NKIRAS1: variants seen among roughly 807,000 people sequenced by gnomAD.
NKIRAS1 encodes the protein NF-kappa-B inhibitor-interacting Ras-like protein 1.
NKIRAS1 carries 16 observed loss-of-function variants against 19.8 expected under a neutral mutation model. The ratio of observed to expected loss-of-function variants is 0.81; its 90% CI spans 0.55 to 1.23. The LOEUF is 1.23. Among genes scored for constraint, NKIRAS1 ranks in the 50% most tolerant of loss-of-function variants. The pLI is 0.00. For missense variants in NKIRAS1, 184 were observed against 220.0 expected, an observed-to-expected ratio of 0.84 and a Z score of 1.04; for synonymous variants, 88 against 79.0, an observed-to-expected ratio of 1.11 and a Z score of -0.61.
upstream of NKIRAS1, chr3:23,921,861 C>CA (rs1415563820): frequency 4.0e-6 from 2 of 495,570 alleles, no homozygotes; most frequent in Admixed American, 7.6e-5. Flanking sequence ...AGGCGTGAGC[C>CA]ACCACCCCCA....
rs1178821791 is a variant in NKIRAS1, at chr3:23,945,508, C to T, written c.-140+815G>A. On this transcript the variant is annotated intron_variant, in intron 1 of 4. Coordinates refer to the NKIRAS1 transcript ENST00000421515. Reference sequence around the variant, plus strand: ...GCTTCCAGCCCGGGGCGGCGCGGCGCTGAGGCGGCGGCGGCGGCGCTGCCC... The same window carrying T: ...GCTTCCAGCCCGGGGCGGCGCGGCGTTGAGGCGGCGGCGGCGGCGCTGCCC... 71 of 946,710 alleles carry T rather than the reference C, an allele frequency of 7.5e-5. No individual in the cohort carries two copies. The African/African-American group carries it at 1.2e-3, about 16-fold the overall frequency. The allele number at this position is 946,710 out of a possible 1,614,324, so 58.6% of individuals were successfully genotyped here. A position where few individuals can be genotyped will look rare whatever the true frequency, so the allele number is the denominator to read the frequency against.
intron 1 of NKIRAS1, among the ~76,000 whole-genome samples, chr3:23,937,516 G>C (rs920100041): frequency 6.6e-6 from 1 of 151,148 alleles, no homozygotes; most frequent in African/African-American, 2.4e-5. Context: ...TGTTCCTTTA[G>C]ATAGCATGCC....
intron 1 of NKIRAS1, among the ~76,000 whole-genome samples, chr3:23,944,186 CAT>C (rs1366081985): frequency 3.5e-4 from 53 of 152,290 alleles, no homozygotes; most frequent in Non-Finnish European, 1.5e-5. Context: ...AGGAGAGAAA[CAT>C]AATTTTGCTG....
chr3:23,904,970 G>A (rs1171341228), intron 3 of NKIRAS1, among the ~76,000 whole-genome samples: 1 of 152,124 alleles, frequency 6.6e-6, no homozygotes, highest in Non-Finnish European at 1.5e-5. Flanking sequence ...AACAACCACA[G>A]CTACGGCAAA....
chr3:23,918,562 C>A, upstream of NKIRAS1: 3 of 1,613,826 alleles, frequency 1.9e-6, no homozygotes, highest in Non-Finnish European at 2.5e-6. Flanking sequence ...TCGAAGCCTT[C>A]AGTCCGTTGC....
At chr3:23,916,152 TAATC>T (rs1209071204) in intron 1 of NKIRAS1, 5 of 152,318 alleles carry the variant, frequency 3.3e-5, no homozygotes, top group East Asian at 3.9e-4. Flanking sequence ...GGAAAAAAGA[TAATC>T]AAAACCGCTA....
chr3:23,932,300 T>C (rs1035627866), intron 1 of NKIRAS1, among the ~76,000 whole-genome samples: 1 of 152,172 alleles, frequency 6.6e-6, no homozygotes, highest in African/African-American at 2.4e-5. Flanking sequence ...TGCATAAATT[T>C]CTATACTAAA....
chr3:23,910,667 T>G, intron 3 of NKIRAS1, 144 bp downstream of exon 3: 1 of 633,400 alleles, frequency 1.6e-6, no homozygotes, highest in Non-Finnish European at 2.8e-6. Flanking sequence ...TCCCTCCTCT[T>G]TTCTTACCTC....
At chr3:23,906,969 C>T (rs931858000) in intron 3 of NKIRAS1, among the ~76,000 whole-genome samples, 4 of 152,126 alleles carry the variant, frequency 2.6e-5, no homozygotes, top group East Asian at 1.9e-4. Context: ...TCTTGGCTCA[C>T]GATAAACTCT....
intron 3 of NKIRAS1, among the ~76,000 whole-genome samples, chr3:23,904,515 T>TG (rs1702830975): frequency 6.6e-6 from 1 of 152,188 alleles, no homozygotes; most frequent in African/African-American, 2.4e-5. Flanking sequence ...CTCATGAAGG[T>TG]GAAGGGTGGA....
In NKIRAS1 at chr3:23,901,029, T is replaced by C. The variant is rs978808827; in HGVS notation, c.115A>G (p.Met39Val). 2.5e-6 allele frequency: 4 copies of C among 1,613,980 alleles called. No individual in the cohort carries two copies. The highest frequency in any genetic ancestry group is 1.7e-5 in the Admixed American group (1 of 59,986). ...HTIGMEDCET[M>V]EDVYMASVET... is the part of the protein sequence containing the mutation. Reference sequence around the variant, plus strand: ...ACTGAAGCCATGTATACATCTTCCATTGTTTCGCAATCTTCCATTCCTGGG... The same window carrying C: ...ACTGAAGCCATGTATACATCTTCCACTGTTTCGCAATCTTCCATTCCTGGG... The change falls in exon 4 of 5, where the codon ATG (methionine) becomes GTG (valine). Residue 39 changes from methionine to valine, a missense_variant. Physicochemically the swap from Met to Val is conservative, Grantham distance 21 (BLOSUM62 1). Transcript: ENST00000425478.
At chr3:23,913,923 A>G (rs1407505711) in intron 1 of NKIRAS1, among the ~76,000 whole-genome samples, 1 of 152,226 alleles carries the variant, frequency 6.6e-6, no homozygotes, top group African/African-American at 2.4e-5. Flanking sequence ...GCTTATCCAG[A>G]GAATACATCA....
chr3:23,900,793 A>G lies in NKIRAS1; in HGVS notation c.336+15T>C. ...ATTATAATTCACATTTGGCATTTTT[A>G]ACATATCCACTTGCCTCTTTTTTGT... On this transcript the variant is annotated intron_variant, in intron 4 of 4. Transcript: ENST00000425478. 1 of 1,606,402 alleles carries G rather than the reference A, an allele frequency of 6.2e-7. No individual in the cohort carries two copies. Among genetic ancestry groups the G allele is most frequent in the Non-Finnish European group, 8.5e-7 (1 of 1,174,868 alleles).
At chr3:23,938,401 G>A (rs1353450486) in intron 1 of NKIRAS1, among the ~76,000 whole-genome samples, 1 of 151,904 alleles carries the variant, frequency 6.6e-6, no homozygotes, top group Non-Finnish European at 1.5e-5. Context: ...ATAGAGTTGG[G>A]GGGTCTCACT....
At chr3:23,931,104 G>A (rs565367486) in intron 1 of NKIRAS1, among the ~76,000 whole-genome samples, 1 of 152,320 alleles carries the variant, frequency 6.6e-6, no homozygotes, top group South Asian at 2.1e-4. Context: ...GAATCTTTAT[G>A]TATGCAGCCT....
chr3:23,943,531 C>G (rs897537792), intron 1 of NKIRAS1, among the ~76,000 whole-genome samples: 1 of 152,254 alleles, frequency 6.6e-6, no homozygotes, highest in African/African-American at 2.4e-5. Context: ...GCGCCCAGCC[C>G]AGTTTTGCCT....
At chr3:23,944,258 G>A (rs1206336690) in intron 1 of NKIRAS1, among the ~76,000 whole-genome samples, 1 of 152,172 alleles carries the variant, frequency 6.6e-6, no homozygotes, top group East Asian at 1.9e-4. Context: ...AGAAACCTGG[G>A]GGGTGGGGAA....
intron 1 of NKIRAS1, among the ~76,000 whole-genome samples, chr3:23,934,347 A>G (rs1424391510): frequency 6.6e-6 from 1 of 152,216 alleles, no homozygotes; most frequent in East Asian, 1.9e-4. Flanking sequence ...ATGCTCTGCC[A>G]TGGGTATAAA....
chr3:23,945,869 G>C (rs1189148570), intron 1 of NKIRAS1, among the ~76,000 whole-genome samples: 3 of 150,746 alleles, frequency 2.0e-5, no homozygotes, highest in African/African-American at 4.9e-5. Flanking sequence ...CGTGCGCGCT[G>C]TGTTTACGTT....
Sources: allele counts gnomAD v4.1 joint callset (sites outside exome capture counted in the v4.1 genomes callset), GRCh38; gene constraint gnomAD v4.1.1; transcripts MANE v1.5; gene names NCBI Gene and HGNC (gene_info 2026-07-23, HGNC 2026-07-21).